The following KCNT2 variants were observed in gnomAD, a reference collection of about 807,000 sequenced individuals.
KCNT2 encodes the protein potassium channel subfamily T member 2.
Under a neutral mutation model 153.8 loss-of-function variants are expected in KCNT2, and 67 were observed. The ratio of observed to expected loss-of-function variants is 0.44; its 90% confidence interval spans 0.36 to 0.53. KCNT2 has a LOEUF of 0.53. Ranked by LOEUF, KCNT2 falls within the 20% of genes least tolerant of loss-of-function variation. The probability of loss-of-function intolerance (pLI) is 0.00; values close to 1 mark genes in which losing one functional copy is unlikely to be tolerated. For synonymous variants in KCNT2, 500 were observed against 458.8 expected (o/e 1.09, Z -1.15); for missense variants, 975 against 1,354.8 (o/e 0.72, Z 4.40).
At chr1:196,391,431 A>G (rs954668991) in intron 13 of KCNT2, among the ~76,000 whole-genome samples, 7 of 151,450 alleles carry the variant, frequency 4.6e-5, no homozygotes, top group African/African-American at 1.7e-4. Context: ...TAGGCATAGG[A>G]TATGATAGAA....
chr1:196,398,894 T>A (rs1671177062), intron 12 of KCNT2, among the ~76,000 whole-genome samples: 1 of 151,442 alleles, frequency 6.6e-6, no homozygotes, highest in African/African-American at 2.4e-5. Context: ...TAGAAAAGAT[T>A]AAGAGAAAAA....
chr1:196,504,699 C>A (rs1489324694), intron 1 of KCNT2, among the ~76,000 whole-genome samples: 4 of 152,154 alleles, frequency 2.6e-5, no homozygotes. Flanking sequence ...ATAGTCCCAC[C>A]AACAGTGTAA....
intron 1 of KCNT2, among the ~76,000 whole-genome samples, chr1:196,530,914 T>C (rs915440575): frequency 6.6e-6 from 1 of 152,116 alleles, no homozygotes; most frequent in African/African-American, 2.4e-5. Context: ...CATATCATTT[T>C]CCTAACTACT....
chr1:196,309,018 T>C (rs192753509), intron 21 of KCNT2, among the ~76,000 whole-genome samples: 2 of 151,886 alleles, frequency 1.3e-5, no homozygotes, highest in Non-Finnish European at 2.9e-5. Context: ...ATATAATAGA[T>C]GAAACAATAA....
At chr1:196,425,220 C>A (rs1303920134) in intron 11 of KCNT2, among the ~76,000 whole-genome samples, 1 of 151,960 alleles carries the variant, frequency 6.6e-6, no homozygotes, top group African/African-American at 2.4e-5. Flanking sequence ...TCATATGATA[C>A]AACTTGGTAA....
chr1:196,398,724 T>G, intron 12 of KCNT2, 53 bp from the exon 13 acceptor site: 1 of 957,842 alleles, frequency 1.0e-6, no homozygotes, highest in South Asian at 1.5e-5. Flanking sequence ...GTTTATAACA[T>G]ATAAAGTAAA....
rs1043155063 is a variant in KCNT2, at chr1:196,392,558, T to A, written c.1294+6005A>T. On this transcript the variant is annotated intron_variant, in intron 13 of 27. Transcript: ENST00000294725. ...CTCACACTTTACCATTTGGTGAAAG[T>A]CAAGCCTGCACATCCATATGTTATT... is the stretch of plus-strand genomic sequence containing the variant. 5.9e-5 allele frequency among the ~76,000 whole-genome samples: 9 copies of A among 151,458 alleles called. No homozygotes were observed. The East Asian group carries it at 1.7e-3, about 29-fold the overall frequency.
chr1:196,284,495 A>C (rs1027798685), intron 23 of KCNT2, among the ~76,000 whole-genome samples: 5 of 151,552 alleles, frequency 3.3e-5, no homozygotes, highest in African/African-American at 1.2e-4. Context: ...GTGGCTAAAA[A>C]AATCTTAAAA....
At chr1:196,433,067 A>T (rs1374035095) in intron 8 of KCNT2, among the ~76,000 whole-genome samples, 1 of 152,058 alleles carries the variant, frequency 6.6e-6, no homozygotes, top group African/African-American at 2.4e-5. Flanking sequence ...GTGGGTGAGA[A>T]CCAGCTGGGC....
intron 12 of KCNT2, among the ~76,000 whole-genome samples, chr1:196,415,817 A>G (rs1035911438): frequency 6.6e-6 from 1 of 151,902 alleles, no homozygotes; most frequent in Non-Finnish European, 1.5e-5. Context: ...CCAGGACTCA[A>G]TGACACTCTT....
chr1:196,468,777 T>C lies in KCNT2; in HGVS notation c.459+217A>G, dbSNP rs145782424. On this transcript the variant is annotated intron_variant, in intron 6 of 27. Transcript: ENST00000294725. ...GGCATCCCCAGAACATATATCTCTT[T>C]AAAATATTTTACTCTGCTATTGTAT... Among the ~76,000 whole-genome samples, 81 of 152,224 alleles carry C rather than the reference T, an allele frequency of 5.3e-4. 1 individual carries two copies. Among genetic ancestry groups the C allele is most frequent in the African/African-American group, 1.9e-3 (78 of 41,570 alleles).
intron 13 of KCNT2, among the ~76,000 whole-genome samples, chr1:196,389,473 A>G (rs1670284063): frequency 6.6e-6 from 1 of 151,688 alleles, no homozygotes; most frequent in African/African-American, 2.4e-5. Context: ...AGTCATTTCA[A>G]TTGGATACTG....
chr1:196,569,908 G>A (rs1463297834), intron 1 of KCNT2, among the ~76,000 whole-genome samples: 1 of 151,956 alleles, frequency 6.6e-6, no homozygotes, highest in Non-Finnish European at 1.5e-5. Flanking sequence ...TGATTATGAG[G>A]TAGATAAACA....
At chr1:196,522,037 C>A (rs1653503406) in intron 1 of KCNT2, among the ~76,000 whole-genome samples, 1 of 151,964 alleles carries the variant, frequency 6.6e-6, no homozygotes, top group Non-Finnish European at 1.5e-5. Context: ...TAATTAAATT[C>A]CAGTAGTACT....
intron 22 of KCNT2, among the ~76,000 whole-genome samples, chr1:196,290,153 T>G (rs905494771): frequency 6.6e-6 from 1 of 152,124 alleles, no homozygotes; most frequent in Non-Finnish European, 1.5e-5. Context: ...TTTTCTCAAC[T>G]ATAATTCTTT....
chr1:196,350,367 T>A (rs1666558816), intron 14 of KCNT2, among the ~76,000 whole-genome samples: 1 of 152,146 alleles, frequency 6.6e-6, no homozygotes, highest in South Asian at 2.1e-4. Flanking sequence ...CTCCAGCACC[T>A]GTTGTTTCCT....
At chr1:196,365,434 T>C (rs1667960572) in intron 14 of KCNT2, among the ~76,000 whole-genome samples, 1 of 152,186 alleles carries the variant, frequency 6.6e-6, no homozygotes, top group Non-Finnish European at 1.5e-5. Flanking sequence ...AATATATCAC[T>C]TGAAAATAAA....
chr1:196,373,653 G>T (rs1366460255), intron 13 of KCNT2, among the ~76,000 whole-genome samples: 1 of 151,802 alleles, frequency 6.6e-6, no homozygotes. Context: ...CAACAGTACT[G>T]ATTTAGAAGA....
chr1:196,592,036 C>A (rs1482995260), intron 1 of KCNT2, among the ~76,000 whole-genome samples: 1 of 152,058 alleles, frequency 6.6e-6, no homozygotes, highest in Non-Finnish European at 1.5e-5. Flanking sequence ...TTCTTTCTGG[C>A]ACTACAAAGA....
Sources: allele counts gnomAD v4.1 joint callset (sites outside exome capture counted in the v4.1 genomes callset), GRCh38; gene constraint gnomAD v4.1.1; transcripts MANE v1.5; gene names NCBI Gene and HGNC (gene_info 2026-07-23, HGNC 2026-07-21).